Variants in MRTFB observed in about 807,000 individuals in gnomAD.
The protein encoded by MRTFB is myocardin related transcription factor B.
MRTFB carries 29 observed loss-of-function variants against 104.2 expected under a neutral mutation model. The ratio of observed to expected loss-of-function variants is 0.28; its 90% CI spans 0.21 to 0.38. The LOEUF (loss-of-function observed/expected upper bound fraction) is 0.38. MRTFB is among the 10% of genes least tolerant of loss of function. The probability of loss-of-function intolerance (pLI) is 1.00; values close to 1 mark genes in which losing one functional copy is unlikely to be tolerated. For synonymous variants in MRTFB, 535 were observed against 519.5 expected (o/e 1.03, Z -0.41); for missense variants, 1,270 against 1,341.6 (o/e 0.95, Z 0.83).
At chr16:14,011,185 T>C in the MRTFB span, among the ~76,000 whole-genome samples, 3 of 152,368 alleles carry the variant, frequency 2.0e-5, no homozygotes, top group Admixed American at 6.5e-5. Flanking sequence ...CAGGCAATGA[T>C]TGACAGATTC....
At chr16:14,068,302 T>C (rs1387105276), upstream of MRTFB, among the ~76,000 whole-genome samples, 3 of 152,214 alleles carry the variant, frequency 2.0e-5, no homozygotes, top group African/African-American at 7.2e-5. Flanking sequence ...GCTTCACATA[T>C]ATTAAGTTGG....
chr16:14,129,793 C>T (rs934049010), intron 2 of MRTFB, among the ~76,000 whole-genome samples: 2 of 152,078 alleles, frequency 1.3e-5, no homozygotes, highest in African/African-American at 4.8e-5. Flanking sequence ...TTATTCGTGT[C>T]CTCATTAGTC....
At chr16:14,196,266 C>T (rs1444010812) in intron 3 of MRTFB, among the ~76,000 whole-genome samples, 2 of 152,232 alleles carry the variant, frequency 1.3e-5, no homozygotes, top group African/African-American at 2.4e-5. Flanking sequence ...ACATTGTCTT[C>T]CTGACCTCAT....
chr16:14,194,118 GT>G (rs2040321445), intron 3 of MRTFB, among the ~76,000 whole-genome samples: 1 of 152,154 alleles, frequency 6.6e-6, no homozygotes, highest in Non-Finnish European at 1.5e-5. Context: ...CTTTATCAGG[GT>G]TTTTTAGCAG....
At chr16:14,036,743 T>C in the MRTFB span, among the ~76,000 whole-genome samples, 1 of 152,190 alleles carries the variant, frequency 6.6e-6, no homozygotes, top group East Asian at 1.9e-4. Flanking sequence ...TTTTGGAATC[T>C]GGCCTGGGGT....
chr16:14,093,615 A>G (rs1000077158), intron 2 of MRTFB, among the ~76,000 whole-genome samples: 17 of 152,336 alleles, frequency 1.1e-4, no homozygotes, highest in Non-Finnish European at 2.2e-4. Flanking sequence ...TTTTCATTTG[A>G]ATTGCAGATT....
chr16:14,170,778 ATAT>A (rs1345039920), intron 3 of MRTFB, among the ~76,000 whole-genome samples: 2 of 149,956 alleles, frequency 1.3e-5, no homozygotes, highest in African/African-American at 5.1e-5. Context: ...TTCTAGAAAT[ATAT>A]TATTTATACT....
intron 3 of MRTFB, among the ~76,000 whole-genome samples, chr16:14,165,115 T>C (rs993785545): frequency 1.3e-4 from 20 of 151,990 alleles, no homozygotes; most frequent in African/African-American, 4.8e-4. Flanking sequence ...GTTCCAATGC[T>C]TAGTTTCCTA....
At chr16:14,210,220 T>C in intron 3 of MRTFB, 23 bp from the exon 4 acceptor site, 1 of 1,604,832 alleles carries the variant, frequency 6.2e-7, no homozygotes, top group Non-Finnish European at 8.5e-7. Context: ...TAAACTCCAA[T>C]GGTGATTATT....
At chr16:14,232,124 C>T (rs950573894) in intron 8 of MRTFB, among the ~76,000 whole-genome samples, 1 of 152,200 alleles carries the variant, frequency 6.6e-6, no homozygotes, top group Non-Finnish European at 1.5e-5. Context: ...CTCTCAGATT[C>T]ATCACACTAT....
chr16:14,008,821 T>C, the MRTFB span, among the ~76,000 whole-genome samples: 34 of 152,348 alleles, frequency 2.2e-4, no homozygotes, highest in African/African-American at 8.2e-4. Flanking sequence ...GGGATGTCTT[T>C]CCATTTATTT....
chr16:14,240,223 T>G lies in MRTFB; in HGVS notation c.832-14T>G. 1 of 1,573,290 alleles carries G rather than the reference T, an allele frequency of 6.4e-7. No homozygotes were observed. Among genetic ancestry groups the G allele is most frequent in the Non-Finnish European group, 8.6e-7 (1 of 1,163,442 alleles). The stretch of plus-strand genomic sequence containing the variant: ...ACATCTCTTTAAATGTTATTTTCTT[T>G]TTCTCAAAAATAGCAAAGCCATCCC... On this transcript the variant is annotated splice_polypyrimidine_tract_variant and intron_variant, in intron 9 of 16. Transcript: ENST00000571589.
At chr16:14,240,796 A>G in intron 10 of MRTFB, 1 of 753,746 alleles carries the variant, frequency 1.3e-6, no homozygotes, top group Non-Finnish European at 2.4e-6. Flanking sequence ...GAAAAGCGTA[A>G]GTAGTATAAT....
At chr16:14,248,610 T>G (rs1473959626) in intron 12 of MRTFB, 3 of 212,266 alleles carry the variant, frequency 1.4e-5, no homozygotes, top group Non-Finnish European at 2.8e-5. Context: ...ATTCAAGTAT[T>G]ACAGTACCTG....
chr16:14,176,362 C>T (rs560369484), intron 3 of MRTFB, among the ~76,000 whole-genome samples: 3 of 152,176 alleles, frequency 2.0e-5, no homozygotes, highest in African/African-American at 4.8e-5. Context: ...TAAGGGGTTT[C>T]GGAAATATGA....
intron 8 of MRTFB, among the ~76,000 whole-genome samples, chr16:14,229,637 T>G (rs1199581871): frequency 6.6e-6 from 1 of 152,228 alleles, no homozygotes; most frequent in African/African-American, 2.4e-5. Context: ...AGAGCTTTAA[T>G]CAGCTGAGAG....
intron 2 of MRTFB, among the ~76,000 whole-genome samples, chr16:14,111,877 CT>C (rs2036286122): frequency 6.6e-6 from 1 of 152,200 alleles, no homozygotes; most frequent in Non-Finnish European, 1.5e-5. Context: ...CATCTGCAGA[CT>C]CCACTGCCAC....
chr16:14,091,178 G>A (rs972970164), intron 2 of MRTFB, among the ~76,000 whole-genome samples: 8 of 152,148 alleles, frequency 5.3e-5, no homozygotes, highest in Non-Finnish European at 1.5e-5. Flanking sequence ...CCAGGTGACA[G>A]TTGATGAGGA....
chr16:14,143,161 C>CTTTTTTTT (rs58550641), intron 3 of MRTFB: 2 of 102,216 alleles, frequency 2.0e-5, no homozygotes, highest in Non-Finnish European at 4.4e-5. Context: ...CTGAACATTT[C>CTTTTTTTT]TTTTTTTTTT....
Sources: allele counts gnomAD v4.1 joint callset (sites outside exome capture counted in the v4.1 genomes callset), GRCh38; gene constraint gnomAD v4.1.1; transcripts MANE v1.5; gene names NCBI Gene and HGNC (gene_info 2026-07-23, HGNC 2026-07-21).